NEBL: variants seen among roughly 807,000 people sequenced by gnomAD.
NEBL encodes LIM and SH3 protein 2.
Under a neutral mutation model 140.2 loss-of-function variants are expected in NEBL, and 122 were observed. That is an observed-to-expected ratio of 0.87 (90% CI 0.75 to 1.01). The LOEUF is 1.01. NEBL is among the 50% of genes least tolerant of loss of function. NEBL has a pLI of 0.00. For synonymous variants in NEBL, 436 were observed against 398.9 expected (o/e 1.09, Z -1.11); for missense variants, 1,365 against 1,231.3 (o/e 1.11, Z -1.62).
chr10:21,206,580 G>C (rs1289436965), intron 3 of NEBL, among the ~76,000 whole-genome samples: 2 of 152,204 alleles, frequency 1.3e-5, no homozygotes, highest in Non-Finnish European at 2.9e-5. Flanking sequence ...CTTATGGGAA[G>C]TCAACATACC....
chr10:20,827,373 G>T (rs1839977930), intron 17 of NEBL, among the ~76,000 whole-genome samples: 1 of 152,114 alleles, frequency 6.6e-6, no homozygotes, highest in Admixed American at 6.5e-5. Context: ...GTACAGCCTG[G>T]CCATCCCTGT....
upstream of NEBL, among the ~76,000 whole-genome samples, chr10:20,900,748 G>C (rs950218919): frequency 6.6e-6 from 1 of 150,586 alleles, no homozygotes; most frequent in African/African-American, 2.4e-5. Flanking sequence ...GGGAGGCTGA[G>C]ACAGAAGAAT....
At chr10:21,033,969 C>T (rs759401436) in intron 2 of NEBL, among the ~76,000 whole-genome samples, 1 of 151,266 alleles carries the variant, frequency 6.6e-6, no homozygotes, top group Non-Finnish European at 1.5e-5. Flanking sequence ...ACTTTGAGAC[C>T]AACCTGGGCA....
chr10:20,844,231 T>C (rs1035924781), intron 12 of NEBL, among the ~76,000 whole-genome samples: 3 of 152,070 alleles, frequency 2.0e-5, no homozygotes, highest in Admixed American at 6.6e-5. Flanking sequence ...TGTGCTCCTA[T>C]AGGCAATTAA....
intron 26 of NEBL, among the ~76,000 whole-genome samples, chr10:20,801,417 G>A (rs535500544): frequency 3.3e-5 from 5 of 151,826 alleles, no homozygotes; most frequent in East Asian, 1.9e-4. Flanking sequence ...GGCTAGTCTC[G>A]AACTCCTGAC....
upstream of NEBL, among the ~76,000 whole-genome samples, chr10:20,900,527 A>C (rs947740640): frequency 1.2e-4 from 18 of 151,836 alleles, no homozygotes; most frequent in Non-Finnish European, 2.1e-4. Flanking sequence ...AAAATAGAAA[A>C]ATTAGCCGGG....
intron 4 of NEBL, among the ~76,000 whole-genome samples, chr10:20,913,918 A>C (rs951470660): frequency 7.9e-5 from 12 of 152,204 alleles, no homozygotes; most frequent in Non-Finnish European, 4.4e-5. Flanking sequence ...TTTTGTGCTC[A>C]ATACCAATAT....
chr10:21,165,572 A>T (rs1185129491), intron 2 of NEBL, among the ~76,000 whole-genome samples: 1 of 152,268 alleles, frequency 6.6e-6, no homozygotes, highest in East Asian at 1.9e-4. Context: ...TAATATTATC[A>T]AGTACCTTCT....
chr10:20,914,132 C>A (rs1253732036), intron 4 of NEBL, among the ~76,000 whole-genome samples: 1 of 152,202 alleles, frequency 6.6e-6, no homozygotes, highest in East Asian at 1.9e-4. Flanking sequence ...AGGAAACACA[C>A]TGGTCATTTG....
rs771635727 is a variant in NEBL at position 20,880,751 on chromosome 10, A to C, written c.480+43T>G. The C allele has an allele frequency of 5.6e-6, 8 of 1,417,140 alleles. No homozygotes were observed. In the South Asian group the frequency reaches 6.9e-5, roughly 12 times the overall value. The allele number at this position is 1,417,140 out of a possible 1,614,324, so 87.8% of individuals were successfully genotyped here. A position where few individuals can be genotyped will look rare whatever the true frequency, so the allele number is the denominator to read the frequency against. Reference sequence around the variant, plus strand: ...ATAAACATAAGCCCTAATATGACTTAACTACAGTTCGCTAGAAAATCATGA... The same window carrying C: ...ATAAACATAAGCCCTAATATGACTTCACTACAGTTCGCTAGAAAATCATGA... On this transcript the variant is annotated intron_variant, in intron 5 of 27. Transcript: ENST00000377122.
chr10:20,803,069 C>T (rs1837271907), intron 26 of NEBL, among the ~76,000 whole-genome samples: 1 of 152,154 alleles, frequency 6.6e-6, no homozygotes, highest in South Asian at 2.1e-4. Flanking sequence ...CAGGACACCA[C>T]TGCCACACAC....
intron 3 of NEBL, among the ~76,000 whole-genome samples, chr10:21,202,550 G>A (rs1357945671): frequency 7.3e-6 from 1 of 137,854 alleles, no homozygotes; most frequent in Non-Finnish European, 1.5e-5. Flanking sequence ...TGCAAGCTCC[G>A]CCCCGCTGTT....
At chr10:21,175,281 G>C (rs1292065284), upstream of NEBL, among the ~76,000 whole-genome samples, 1 of 152,122 alleles carries the variant, frequency 6.6e-6, no homozygotes, top group Non-Finnish European at 1.5e-5. Context: ...CGCAGCTACC[G>C]AACAGCTTCT....
Position 21,029,538 on chromosome 10 carries a change from C to A in NEBL, c.165-9337G>T, listed in dbSNP as rs148791819. ...ATCAAGCACAGGATACAGACAGGGA[C>A]GATCGTTCTTTTGGCCGTGATAGAA... On this transcript the variant is annotated intron_variant, in intron 2 of 6. Coordinates refer to the NEBL transcript ENST00000417816. 2.4e-3 allele frequency: 3,838 copies of A among 1,606,860 alleles called. 85 individuals carry two copies. The African/African-American group carries it at 0.044, about 18-fold the overall frequency.
chr10:21,191,026 A>G (rs896595629), intron 3 of NEBL, among the ~76,000 whole-genome samples: 1 of 152,140 alleles, frequency 6.6e-6, no homozygotes, highest in African/African-American at 2.4e-5. Context: ...CCCCATTTAT[A>G]ATTAATAATG....
At chr10:21,209,048 G>A (rs35021862) in intron 3 of NEBL, among the ~76,000 whole-genome samples, 16,384 of 152,004 alleles carry the variant, frequency 0.11, 1,002 homozygotes, top group Middle Eastern at 0.18. Flanking sequence ...TAAGGAATCC[G>A]GCTTCTCCTC....
chr10:20,936,067 T>C (rs936545835), intron 4 of NEBL, among the ~76,000 whole-genome samples: 29 of 152,198 alleles, frequency 1.9e-4, no homozygotes, highest in African/African-American at 6.8e-4. Context: ...CTTCTACAAA[T>C]TCAAAATGAC....
chr10:21,285,493 G>C (rs1286111268), intron 1 of NEBL, among the ~76,000 whole-genome samples: 1 of 152,168 alleles, frequency 6.6e-6, no homozygotes, highest in Admixed American at 6.5e-5. Context: ...GACCGAATCA[G>C]AGTGCTTCTT....
intron 3 of NEBL, among the ~76,000 whole-genome samples, chr10:21,231,340 G>A (rs1253612197): frequency 6.6e-6 from 1 of 152,140 alleles, no homozygotes; most frequent in Non-Finnish European, 1.5e-5. Context: ...AGGAGTTCAA[G>A]ACCAGCCTGG....
Sources: allele counts gnomAD v4.1 joint callset (sites outside exome capture counted in the v4.1 genomes callset), GRCh38; gene constraint gnomAD v4.1.1; transcripts MANE v1.5; gene names NCBI Gene and HGNC (gene_info 2026-07-23, HGNC 2026-07-21).